PAXIP1: variants seen among roughly 807,000 people sequenced by gnomAD.
PAXIP1 encodes PAX-interacting protein 1.
Under a neutral mutation model 140.6 loss-of-function variants are expected in PAXIP1, and 19 were observed. The ratio of observed to expected loss-of-function variants is 0.14; its 90% CI spans 0.09 to 0.20. The LOEUF is 0.20. Ranked by LOEUF, PAXIP1 falls within the 10% of genes least tolerant of loss-of-function variation. PAXIP1 has a pLI of 1.00. For synonymous variants in PAXIP1, 442 were observed against 444.6 expected (o/e 0.99, Z 0.07); for missense variants, 920 against 1,208.6 (o/e 0.76, Z 3.54).
chr7:154,976,360 A>T (rs765708122), intron 5 of PAXIP1, 29 bp from the exon 6 acceptor site: 2 of 1,526,414 alleles, frequency 1.3e-6, no homozygotes, highest in Non-Finnish European at 1.8e-6. Context: ...CACACACAAA[A>T]CAAAGCTGTA....
chr7:154,960,030 GT>G, intron 12 of PAXIP1, 97 bp from the exon 13 acceptor site: 1 of 785,784 alleles, frequency 1.3e-6, no homozygotes. Flanking sequence ...CACCAGACAG[GT>G]GGTTTAGCTG....
At chr7:154,977,812 T>C (rs1309049307) in intron 5 of PAXIP1, among the ~76,000 whole-genome samples, 1 of 151,854 alleles carries the variant, frequency 6.6e-6, no homozygotes, top group Non-Finnish European at 1.5e-5. Flanking sequence ...AAATACTTTA[T>C]AATGTTCCTT....
Position 154,946,293 on chromosome 7 carries a change from T to TGC in PAXIP1, c.3194+70_3194+71dup, listed in dbSNP as rs1807970594. The TGC allele has an allele frequency of 6.2e-7, 1 of 1,609,318 alleles. No individual in the cohort carries two copies. Among genetic ancestry groups the TGC allele is most frequent in the Non-Finnish European group, 8.5e-7 (1 of 1,176,874 alleles). ...ATGGCTTGCAAAACAGGAAAGGTACTGCCTTATTAACCTGGGAAATCCATT... is the reference window on the plus strand; with the variant it reads ...ATGGCTTGCAAAACAGGAAAGGTACTGCGCCTTATTAACCTGGGAAATCCATT... On this transcript the variant is annotated intron_variant, in intron 20 of 20. Coordinates refer to ENST00000404141, the MANE Select transcript of PAXIP1 (RefSeq NM_007349.4). This position sits in a 1 kb window ranked among gnomAD's most constrained non-coding sequence, Gnocchi z 4.9.
At chr7:155,001,178 G>A (rs1585094459) in intron 1 of PAXIP1, 2 of 152,136 alleles carry the variant, frequency 1.3e-5, no homozygotes, top group African/African-American at 4.8e-5. Context: ...GATGAAAGTG[G>A]TTTGCCAAGG....
chr7:154,954,502 A>T lies in PAXIP1; in HGVS notation c.2653-79T>A, dbSNP rs1808423599. ...ACACTGACACAGAGTAACACAGAGG[A>T]ATATCTACCTAAAGACAAGGTTTAT... is the stretch of plus-strand genomic sequence containing the variant. On this transcript the variant is annotated intron_variant, in intron 15 of 20. Coordinates refer to ENST00000404141, the MANE Select transcript of PAXIP1 (RefSeq NM_007349.4). This position sits in a 1 kb window ranked among gnomAD's most constrained non-coding sequence, Gnocchi z 5.1. The T allele has an allele frequency of 3.1e-6, 3 of 954,066 alleles. No individual in the cohort carries two copies. The highest frequency in any genetic ancestry group is 4.2e-6 in the Non-Finnish European group (3 of 707,594). The allele number at this position is 954,066 out of a possible 1,614,324, so 59.1% of individuals were successfully genotyped here. A position where few individuals can be genotyped will look rare whatever the true frequency, so the allele number is the denominator to read the frequency against.
At position 154,973,970 on chromosome 7, in the gene PAXIP1, G is replaced by A. The variant is rs1039160696; in HGVS notation, c.1074+1726C>T. On this transcript the variant is annotated intron_variant, in intron 6 of 20. Transcript: ENST00000404141. This position sits in a 1 kb window ranked among gnomAD's most constrained non-coding sequence, Gnocchi z 4.0. Reference sequence around the variant, plus strand: ...AGCCCAGCTGGCTCTCAATGGTGCGGCTCCTCAGAGCCTGGCCCCAGACCC... The same window carrying A: ...AGCCCAGCTGGCTCTCAATGGTGCGACTCCTCAGAGCCTGGCCCCAGACCC... Among the ~76,000 whole-genome samples, 43 of 152,180 alleles carry A rather than the reference G, an allele frequency of 2.8e-4. No individual in the cohort carries two copies. Among genetic ancestry groups the A allele is most frequent in the Non-Finnish European group, 7.3e-5 (5 of 68,034 alleles).
At chr7:154,979,913 T>A (rs1809765417) in intron 5 of PAXIP1, among the ~76,000 whole-genome samples, 3 of 152,196 alleles carry the variant, frequency 2.0e-5, no homozygotes, top group Non-Finnish European at 4.4e-5. Context: ...GAGCATGAAG[T>A]CCAACTGTCA....
chr7:154,956,004 A>G lies in PAXIP1; in HGVS notation c.2550-373T>C, dbSNP rs768675875. Among the ~76,000 whole-genome samples, 6 of 152,162 alleles carry G rather than the reference A, an allele frequency of 3.9e-5. No homozygotes were observed. The highest frequency in any genetic ancestry group is 7.4e-5 in the Non-Finnish European group (5 of 68,022). ...TAGCTCTATCACTTCATTTTTTTCT[A>G]TCAAGTTTTTAAGATAACCTTGTGT... On this transcript the variant is annotated intron_variant, in intron 14 of 20. Coordinates refer to ENST00000404141, the MANE Select transcript of PAXIP1 (RefSeq NM_007349.4). This position sits in a 1 kb window ranked among gnomAD's most constrained non-coding sequence, Gnocchi z 4.2.
In PAXIP1 at chr7:154,968,903, T is replaced by C; in HGVS notation, c.1298A>G (p.Gln433Arg). The C allele has an allele frequency of 8.2e-7, 1 of 1,213,988 alleles. No individual in the cohort carries two copies. The allele number at this position is 1,213,988 out of a possible 1,614,324, so 75.2% of individuals were successfully genotyped here. The change falls in exon 7 of 21, where the codon CAG (glutamine) becomes CGG (arginine). Residue 433 changes from glutamine (Q) to arginine (R), a missense_variant. Transcript: ENST00000404141. The stretch of plus-strand genomic sequence containing the variant: ...GGGGTAAGGTTGCTGAGAGATCTGC[T>C]GCTGCTGCTGCTGCTGGAGCTGCAT... The part of the protein sequence containing the change: ...QIMQLQQQQQ[Q>R]QISQQPYPQQ...
intron 4 of PAXIP1, among the ~76,000 whole-genome samples, chr7:154,990,466 G>A (rs1388821487): frequency 3.3e-5 from 5 of 152,178 alleles, no homozygotes; most frequent in Non-Finnish European, 5.9e-5. Context: ...CAGGAAGCAG[G>A]AGTCTGTCCT....
Position 154,954,111 on chromosome 7 carries a change from G to T in PAXIP1, c.2821+144C>A, listed in dbSNP as rs1808404969. ...GACATCAATCAAAGGAATCACTGGG[G>T]ATATGAAATAAATTTTTAAATTTAA... On this transcript the variant is annotated intron_variant, in intron 16 of 20. Transcript: ENST00000404141. This position sits in a 1 kb window ranked among gnomAD's most constrained non-coding sequence, Gnocchi z 5.1. 1 of 538,656 alleles carries T rather than the reference G, an allele frequency of 1.9e-6. No individual in the cohort carries two copies. The highest frequency in any genetic ancestry group is 2.9e-6 in the Non-Finnish European group (1 of 343,890). 33.4% of individuals were successfully genotyped at this position (538,656 alleles called of 1,614,324 possible).
intron 4 of PAXIP1, among the ~76,000 whole-genome samples, chr7:154,990,272 C>G (rs1405448772): frequency 1.3e-5 from 2 of 152,090 alleles, no homozygotes; most frequent in Middle Eastern, 3.2e-3. Flanking sequence ...AACCCCTGAC[C>G]TCAGGTGATC....
chr7:154,955,134 T>C (rs142960008), intron 15 of PAXIP1, among the ~76,000 whole-genome samples: 1 of 152,282 alleles, frequency 6.6e-6, no homozygotes, highest in Admixed American at 6.5e-5. Context: ...ACAAACTCCT[T>C]TTTGGCCTCA....
intron 7 of PAXIP1, among the ~76,000 whole-genome samples, 194 bp from the exon 8 acceptor site, chr7:154,968,104 T>C (rs908881356): frequency 6.6e-6 from 1 of 152,164 alleles, no homozygotes; most frequent in Admixed American, 6.5e-5. Context: ...CAAATGATCA[T>C]TAAAAACTAA....
chr7:154,971,589 G>A (rs574709092), intron 6 of PAXIP1, among the ~76,000 whole-genome samples: 3 of 152,318 alleles, frequency 2.0e-5, no homozygotes, highest in African/African-American at 7.2e-5. Flanking sequence ...CCTGGAGAAC[G>A]TAAGAAAAAG....
In PAXIP1 at chr7:154,968,989, C is replaced by T. The variant is rs1313985151; in HGVS notation, c.1212G>A (p.Gln404=). Residue 404 remains glutamine, a synonymous_variant, in exon 7 of 21, where the codon CAG becomes CAA. Coordinates refer to ENST00000404141, the MANE Select transcript of PAXIP1 (RefSeq NM_007349.4). The part of the protein sequence containing the change: ...VTPETHMLQQ[Q]QQAQQQQQQH... Reference sequence around the variant, plus strand: ...GCTGCTGCTGCTGCTGGGCCTGCTGCTGCTGCTGTAGCATGTGTGTCTCTG... The same window carrying T: ...GCTGCTGCTGCTGCTGGGCCTGCTGTTGCTGCTGTAGCATGTGTGTCTCTG... 1 of 1,551,054 alleles carries T rather than the reference C, an allele frequency of 6.4e-7. No individual in the cohort carries two copies. Among genetic ancestry groups the T allele is most frequent in the East Asian group, 2.4e-5 (1 of 40,916 alleles).
chr7:155,002,793 G>T (rs1810986768), intron 1 of PAXIP1, 56 bp downstream of exon 1: 1 of 1,023,976 alleles, frequency 9.8e-7, no homozygotes. Flanking sequence ...GACGGGGACG[G>T]GGACGGACGG....
intron 16 of PAXIP1, chr7:154,949,450 T>C (rs1052734455): frequency 6.6e-6 from 1 of 151,924 alleles, no homozygotes; most frequent in African/African-American, 2.4e-5. Flanking sequence ...AGAAAAAGAA[T>C]GTCTAAAATT....
intron 1 of PAXIP1, 35 bp downstream of exon 1, chr7:155,002,813 CG>C: frequency 2.4e-6 from 3 of 1,234,940 alleles, no homozygotes; most frequent in South Asian, 1.7e-5. Context: ...GGGACGCGGA[CG>C]GGGGAGGAGG....
Sources: allele counts gnomAD v4.1 joint callset (sites outside exome capture counted in the v4.1 genomes callset), GRCh38; gene constraint gnomAD v4.1.1; non-coding constraint Gnocchi (gnomAD v3.1); transcripts MANE v1.5; gene names NCBI Gene and HGNC (gene_info 2026-07-23, HGNC 2026-07-21).